The following CLK2 variants were observed in gnomAD, a reference collection of about 807,000 sequenced individuals.
CLK2 encodes dual specificity protein kinase CLK2.
In CLK2, 12 loss-of-function variants were observed where a neutral mutation model predicts 73.5. That is an observed-to-expected ratio of 0.16 (90% CI 0.10 to 0.26). CLK2 has a LOEUF of 0.26. Ranked by LOEUF, CLK2 falls within the 10% of genes least tolerant of loss-of-function variation. The pLI, the probability that CLK2 is intolerant of heterozygous loss-of-function variation, is 1.00. For synonymous variants in CLK2, 232 were observed against 237.9 expected (o/e 0.98, Z 0.23); for missense variants, 509 against 688.4 (o/e 0.74, Z 2.92).
chr1:155,272,184 T>C (rs927852794), intron 1 of CLK2, among the ~76,000 whole-genome samples: 1 of 152,046 alleles, frequency 6.6e-6, no homozygotes, highest in African/African-American at 2.4e-5. Flanking sequence ...GCCCAGCTAA[T>C]TTTGTATTTT....
At position 155,268,463 on chromosome 1, in the gene CLK2, G is replaced by A; in HGVS notation, c.488-104C>T. On this transcript the variant is annotated intron_variant, in intron 4 of 12. Transcript: ENST00000368361. The surrounding 1 kb of genome is among the most constrained non-coding windows in gnomAD (Gnocchi z 5.6). ...ACAGCAACCTGGGGTGGAGATGAAG[G>A]AAGGGGAACAGATACAGATGGTCAC... The A allele has an allele frequency of 1.1e-6, 1 of 937,956 alleles. No individual in the cohort carries two copies. Among genetic ancestry groups the A allele is most frequent in the Non-Finnish European group, 1.7e-6 (1 of 579,242 alleles). 58.1% of individuals were successfully genotyped at this position (937,956 alleles called of 1,614,324 possible).
chr1:155,265,729 C>T, intron 8 of CLK2, 131 bp downstream of exon 8: 1 of 730,842 alleles, frequency 1.4e-6, no homozygotes, highest in Admixed American at 1.8e-5. Flanking sequence ...TTTAGTTTTA[C>T]CCAGTTGGAG....
In CLK2 at chr1:155,266,789, G is replaced by A; in HGVS notation, c.778C>T (p.Leu260=). 1.2e-6 allele frequency: 2 copies of A among 1,613,678 alleles called. No individual in the cohort carries two copies. The highest frequency in any genetic ancestry group is 1.7e-6 in the Non-Finnish European group (2 of 1,179,832). ...CGCACTTGGTGGATGGGGTAGGGCA[G>A]GTAGTTGTTGTCTTTGAGGAAATCG... ...TFDFLKDNNY[L]PYPIHQVRHM... The change falls in exon 7 of 13, where the codon CTG becomes TTG. Residue 260 remains leucine (L), a synonymous_variant. Coordinates refer to ENST00000368361, the MANE Select transcript of CLK2 (RefSeq NM_001294338.2).
chr1:155,269,145 AG>A, intron 3 of CLK2: 1 of 572,742 alleles, frequency 1.7e-6, no homozygotes, highest in Non-Finnish European at 3.1e-6. Context: ...CCGCCTGCCA[AG>A]GGGGCTACAG....
chr1:155,263,733 G>C (rs1368541824), intron 12 of CLK2: 1 of 985,094 alleles, frequency 1.0e-6, no homozygotes, highest in African/African-American at 1.7e-5. Flanking sequence ...ACATTGCTTT[G>C]ATCTCTGGTT....
intron 3 of CLK2, 93 bp downstream of exon 3, chr1:155,269,395 T>C (rs927183099): frequency 6.4e-5 from 73 of 1,132,224 alleles, no homozygotes; most frequent in Non-Finnish European, 8.6e-5. Context: ...CATGCCCCAA[T>C]GTTCAGCTGA....
At position 155,266,745 on chromosome 1, in the gene CLK2, C is replaced by T. The variant is rs1387222159; in HGVS notation, c.822G>A (p.Leu274=). The T allele has an allele frequency of 8.1e-6, 13 of 1,612,916 alleles. No individual in the cohort carries two copies. The highest frequency in any genetic ancestry group is 1.0e-5 in the Non-Finnish European group (12 of 1,179,630). The part of the protein sequence containing the change: ...IHQVRHMAFQ[L]CQAVKFLHDN... The stretch of plus-strand genomic sequence containing the variant: ...CCCACTCACACTTGACAGCCTGGCA[C>T]AGCTGGAAGGCCATGTGGCGCACTT... Residue 274 remains leucine (L), a synonymous_variant, in exon 7 of 13, where the codon CTG becomes CTA. Transcript: ENST00000368361.
In CLK2 at chr1:155,268,269, T is replaced by C. The variant is rs766119653; in HGVS notation, c.554+24A>G. 4.4e-6 allele frequency: 7 copies of C among 1,608,078 alleles called. No individual in the cohort carries two copies. Among genetic ancestry groups the C allele is most frequent in the Non-Finnish European group, 6.0e-6 (7 of 1,174,516 alleles). On this transcript the variant is annotated intron_variant, in intron 5 of 12. Coordinates refer to ENST00000368361, the MANE Select transcript of CLK2 (RefSeq NM_001294338.2). The surrounding 1 kb of genome is among the most constrained non-coding windows in gnomAD (Gnocchi z 5.6). ...CCCCAACCATCTCTTTAGCCCCACA[T>C]AGTAGGGAGGGACTGACAGTTACCT...
rs182734603 is a variant in CLK2, at chr1:155,268,538, G to A, written c.487+170C>T. Reference sequence around the variant, plus strand: ...TCCCACCACCTTTAACCCAGGGGCCGTGAGAGCTGGGAGTGGACAACAGAG... The same window carrying A: ...TCCCACCACCTTTAACCCAGGGGCCATGAGAGCTGGGAGTGGACAACAGAG... On this transcript the variant is annotated intron_variant, in intron 4 of 12. Coordinates refer to ENST00000368361, the MANE Select transcript of CLK2 (RefSeq NM_001294338.2). This position sits in a 1 kb window ranked among gnomAD's most constrained non-coding sequence, Gnocchi z 5.6. The A allele has an allele frequency of 2.2e-5, 17 of 782,196 alleles. No individual in the cohort carries two copies. Among genetic ancestry groups the A allele is most frequent in the Middle Eastern group, 2.3e-4 (1 of 4,278 alleles). 48.5% of individuals were successfully genotyped at this position (782,196 alleles called of 1,614,324 possible).
At chr1:155,270,685 T>C in intron 2 of CLK2, 123 bp downstream of exon 2, 4 of 1,123,608 alleles carry the variant, frequency 3.6e-6, no homozygotes, top group Non-Finnish European at 5.1e-6. Flanking sequence ...TGGTTATCTA[T>C]CCCGACATTA....
In CLK2 at chr1:155,263,182, G is replaced by A. The variant is rs1309015283; in HGVS notation, c.*36C>T. The stretch of plus-strand genomic sequence containing the variant: ...CAGTGTCCTGGACTGGACACCCACT[G>A]CTATAAAAGATGCAGGGGGGCCCAG... On this transcript the variant is annotated 3_prime_UTR_variant, in exon 13 of 13. Coordinates refer to ENST00000368361, the MANE Select transcript of CLK2 (RefSeq NM_001294338.2). The A allele has an allele frequency of 1.3e-6, 2 of 1,587,248 alleles. No individual in the cohort carries two copies. Among genetic ancestry groups the A allele is most frequent in the Non-Finnish European group, 1.7e-6 (2 of 1,166,846 alleles).
Position 155,268,918 on chromosome 1 carries a change from G to A in CLK2, c.400-123C>T. ...CCAGCCAGGGGGGACAGACGATGATGGGGGACAGTGGAAGGGAACACGTCA... is the reference window on the plus strand; with the variant it reads ...CCAGCCAGGGGGGACAGACGATGATAGGGGACAGTGGAAGGGAACACGTCA... On this transcript the variant is annotated intron_variant, in intron 3 of 12. Transcript: ENST00000368361. The surrounding 1 kb of genome is among the most constrained non-coding windows in gnomAD (Gnocchi z 5.6). The A allele has an allele frequency of 3.0e-6, 2 of 677,774 alleles. No homozygotes were observed. The highest frequency in any genetic ancestry group is 1.6e-5 in the South Asian group (1 of 62,926). The allele number at this position is 677,774 out of a possible 1,614,324, so 42.0% of individuals were successfully genotyped here.
Position 155,268,861 on chromosome 1 carries a change from T to TGGGGGGGG in CLK2, c.400-67_400-66insCCCCCCCC. 2.5e-5 allele frequency: 6 copies of TGGGGGGGG among 237,776 alleles called. No individual in the cohort carries two copies. Among genetic ancestry groups the TGGGGGGGG allele is most frequent in the East Asian group, 9.1e-5 (1 of 11,038 alleles). The allele number at this position is 237,776 out of a possible 1,614,324, so 14.7% of individuals were successfully genotyped here. On this transcript the variant is annotated intron_variant, in intron 3 of 12. Transcript: ENST00000368361. The surrounding 1 kb of genome is among the most constrained non-coding windows in gnomAD (Gnocchi z 5.6). Reference sequence around the variant, plus strand: ...GAGCGGGGGCCGGAGGGAGGCGGGGTGGGTGGTAGAGGGGTCACCGGTCAC... The same window carrying TGGGGGGGG: ...GAGCGGGGGCCGGAGGGAGGCGGGGTGGGGGGGGGGGTGGTAGAGGGGTCACCGGTCAC...
intron 2 of CLK2, among the ~76,000 whole-genome samples, chr1:155,270,242 A>G (rs1673434541): frequency 6.6e-6 from 1 of 151,816 alleles, no homozygotes; most frequent in Non-Finnish European, 1.5e-5. Flanking sequence ...ATGATGGCGC[A>G]TGCCTGTAGT....
chr1:155,272,826 C>G (rs923534004), intron 1 of CLK2, among the ~76,000 whole-genome samples: 1 of 152,208 alleles, frequency 6.6e-6, no homozygotes, highest in South Asian at 2.1e-4. Context: ...CTTTCTTACT[C>G]AGAAAATCCA....
Position 155,263,452 on chromosome 1 carries a change from CCTT to C in CLK2, c.1318-55_1318-53del, listed in dbSNP as rs1557930060. ...GAGGCAGGATGCCTTACAAACCCTG[CCTT>C]CTTCAAGACCCTACCTTTCATTCTT... is the stretch of plus-strand genomic sequence containing the variant. On this transcript the variant is annotated intron_variant, in intron 12 of 12. Transcript: ENST00000368361. The C allele has an allele frequency of 3.1e-6, 5 of 1,602,666 alleles. No homozygotes were observed. In the African/African-American group the frequency reaches 5.4e-5, roughly 17 times the overall value.
chr1:155,266,523 G>A (rs1673239993), intron 7 of CLK2, among the ~76,000 whole-genome samples: 1 of 152,264 alleles, frequency 6.6e-6, no homozygotes, highest in South Asian at 2.1e-4. Context: ...GCTGCTGCTA[G>A]GCTAGGTGTA....
intron 8 of CLK2, among the ~76,000 whole-genome samples, chr1:155,265,350 T>C (rs1673178575): frequency 6.6e-6 from 1 of 152,036 alleles, no homozygotes; most frequent in African/African-American, 2.4e-5. Flanking sequence ...GCAGATCACC[T>C]GAGGTTAGGG....
intron 2 of CLK2, 40 bp downstream of exon 2, chr1:155,270,768 G>C (rs556607715): frequency 1.3e-6 from 2 of 1,578,756 alleles, no homozygotes; most frequent in South Asian, 2.2e-5. Flanking sequence ...AGGAATGAGC[G>C]AGTGACCCTG....
Sources: gnomAD v4.1 joint callset for allele counts (sites outside exome capture counted in the v4.1 genomes callset) on GRCh38, gnomAD v4.1.1 for gene constraint, Gnocchi (gnomAD v3.1) non-coding constraint, MANE v1.5 for transcripts, NCBI Gene and HGNC (gene_info 2026-07-23, HGNC 2026-07-21) for gene names.